The following ADGRL2 variants were observed in gnomAD, a reference collection of about 807,000 sequenced individuals.
The protein encoded by ADGRL2 is adhesion G protein-coupled receptor L2, also known as calcium-independent alpha-latrotoxin receptor 2.
Under a neutral mutation model 157.4 loss-of-function variants are expected in ADGRL2, and 44 were observed. The ratio of observed to expected loss-of-function variants is 0.28; its 90% CI spans 0.22 to 0.36. ADGRL2 has a LOEUF of 0.36. Ranked by LOEUF, ADGRL2 falls within the 10% of genes least tolerant of loss-of-function variation. ADGRL2 has a pLI of 1.00. For synonymous variants in ADGRL2, 585 were observed against 624.7 expected (o/e 0.94, Z 0.95); for missense variants, 1,510 against 1,768.9 (o/e 0.85, Z 2.63).
At chr1:81,533,198 G>A (rs936297235) in intron 2 of ADGRL2, among the ~76,000 whole-genome samples, 3 of 151,968 alleles carry the variant, frequency 2.0e-5, no homozygotes, top group African/African-American at 7.3e-5. Context: ...GGCCAATATG[G>A]TGAAGCCCCG....
chr1:81,653,899 G>T (rs896783348), intron 3 of ADGRL2, among the ~76,000 whole-genome samples: 6 of 152,064 alleles, frequency 3.9e-5, no homozygotes, highest in Non-Finnish European at 7.4e-5. Flanking sequence ...AATACAATCT[G>T]CAATTTTCCC....
chr1:81,535,741 A>G (rs893998586), intron 2 of ADGRL2, among the ~76,000 whole-genome samples: 1 of 152,244 alleles, frequency 6.6e-6, no homozygotes, highest in Admixed American at 6.5e-5. Flanking sequence ...ACTTTAAGAC[A>G]CTCAATGATG....
At chr1:81,639,069 ATTG>A (rs754621292) in intron 3 of ADGRL2, among the ~76,000 whole-genome samples, 5 of 152,062 alleles carry the variant, frequency 3.3e-5, no homozygotes, top group East Asian at 1.9e-4. Flanking sequence ...TACTTCTTTT[ATTG>A]TTGTTGTTGT....
chr1:81,335,874 G>A (rs546804643), intron 1 of ADGRL2, among the ~76,000 whole-genome samples: 2 of 151,358 alleles, frequency 1.3e-5, no homozygotes, highest in Non-Finnish European at 2.9e-5. Flanking sequence ...AAACAAAAAA[G>A]CACTATCTTT....
intron 2 of ADGRL2, among the ~76,000 whole-genome samples, chr1:81,458,729 T>A (rs994638322): frequency 7.2e-5 from 11 of 152,150 alleles, no homozygotes; most frequent in African/African-American, 2.7e-4. Context: ...AACTAGGAGA[T>A]GCCAGAAACC....
intron 2 of ADGRL2, chr1:81,503,328 T>C (rs1456182461): frequency 6.2e-6 from 10 of 1,614,012 alleles, no homozygotes; most frequent in Admixed American, 3.3e-5. Flanking sequence ...CCCAGAAGCC[T>C]GTGGTCCACC....
At chr1:81,582,378 C>T (rs1271103440) in intron 3 of ADGRL2, among the ~76,000 whole-genome samples, 2 of 151,986 alleles carry the variant, frequency 1.3e-5, no homozygotes, top group African/African-American at 4.8e-5. Context: ...TTTTGCATGG[C>T]TTCTGTGTAT....
At chr1:81,370,843 A>G (rs1439109697) in intron 1 of ADGRL2, among the ~76,000 whole-genome samples, 1 of 152,214 alleles carries the variant, frequency 6.6e-6, no homozygotes, top group Non-Finnish European at 1.5e-5. Context: ...TACAAAAAGA[A>G]TTAAGTTACA....
chr1:81,985,532 A>G (rs1235310588), intron 21 of ADGRL2, 177 bp downstream of exon 21: 4 of 395,076 alleles, frequency 1.0e-5, no homozygotes, highest in Non-Finnish European at 1.4e-5. Flanking sequence ...TAGGGAGTAC[A>G]GATTTATCCT....
chr1:81,783,505 T>G (rs1301062725), intron 2 of ADGRL2, among the ~76,000 whole-genome samples: 1 of 152,160 alleles, frequency 6.6e-6, no homozygotes, highest in Non-Finnish European at 1.5e-5. Context: ...TATCTCTTGT[T>G]GTTTGTAAAT....
At chr1:81,951,849 A>T in intron 8 of ADGRL2, 108 bp from the exon 9 acceptor site, 3 of 756,434 alleles carry the variant, frequency 4.0e-6, no homozygotes, top group Non-Finnish European at 4.1e-6. Flanking sequence ...TAGTTGGAGA[A>T]TTTAACATTC....
intron 1 of ADGRL2, among the ~76,000 whole-genome samples, chr1:81,730,773 A>G (rs928660874): frequency 6.6e-6 from 1 of 152,158 alleles, no homozygotes; most frequent in African/African-American, 2.4e-5. Flanking sequence ...GTAGAGAACC[A>G]CTGATCCAGA....
intron 2 of ADGRL2, chr1:81,514,525 T>G (rs1335669210): frequency 6.6e-6 from 1 of 152,190 alleles, no homozygotes; most frequent in Non-Finnish European, 1.5e-5. Context: ...TTTTTCAACT[T>G]TGGGGGTTTC....
At chr1:81,782,074 T>C (rs567540279) in intron 2 of ADGRL2, among the ~76,000 whole-genome samples, 1 of 152,304 alleles carries the variant, frequency 6.6e-6, no homozygotes, top group South Asian at 2.1e-4. Context: ...AGGGTAACAC[T>C]AAAATATTTA....
chr1:81,408,686 G>A (rs948375951), intron 1 of ADGRL2, among the ~76,000 whole-genome samples: 2 of 137,224 alleles, frequency 1.5e-5, no homozygotes, highest in African/African-American at 5.5e-5. Context: ...GTTTACAAAC[G>A]CAAATTAATC....
At chr1:81,942,289 A>ACCCTTTC (rs1648326102) in intron 5 of ADGRL2, among the ~76,000 whole-genome samples, 2 of 151,708 alleles carry the variant, frequency 1.3e-5, no homozygotes, top group African/African-American at 4.8e-5. Context: ...TTTACCCTTT[A>ACCCTTTC]TCTCTTTTTC....
At chr1:81,631,428 GC>G (rs1441483898) in intron 3 of ADGRL2, among the ~76,000 whole-genome samples, 9 of 152,066 alleles carry the variant, frequency 5.9e-5, no homozygotes, top group Non-Finnish European at 1.2e-4. Context: ...TGTTGGCCAG[GC>G]TGGTCTGGAA....
At position 81,531,773 on chromosome 1, in the gene ADGRL2, C is replaced by T. The variant is rs1333017582; in HGVS notation, c.-247-49103C>T. 3.3e-5 allele frequency among the ~76,000 whole-genome samples: 5 copies of T among 152,082 alleles called. 1 individual carries two copies. The highest frequency in any genetic ancestry group is 9.7e-5 in the African/African-American group (4 of 41,398). ...CTAGGATCGTGTCTAGAATGAAGGG[C>T]CTATATTAGTTATTGGCTGGATTCC... On this transcript the variant is annotated intron_variant, in intron 2 of 24. Coordinates refer to the ADGRL2 transcript ENST00000370721.
Position 81,369,220 on chromosome 1 carries a change from A to G in ADGRL2, c.-302+62711A>G, listed in dbSNP as rs372996006. Reference sequence around the variant, plus strand: ...AGAGATAGTGATACATAGAGAAGACAAGAGAAATGAGGACAGAAAGAGAAA... The same window carrying G: ...AGAGATAGTGATACATAGAGAAGACGAGAGAAATGAGGACAGAAAGAGAAA... On this transcript the variant is annotated intron_variant, in intron 1 of 24. Transcript: ENST00000370721. Among the ~76,000 whole-genome samples, 35 of 152,234 alleles carry G rather than the reference A, an allele frequency of 2.3e-4. No individual in the cohort carries two copies. In the East Asian group the frequency reaches 5.0e-3, roughly 22 times the overall value.
Sources: gnomAD v4.1 joint callset for allele counts (sites outside exome capture counted in the v4.1 genomes callset) on GRCh38, gnomAD v4.1.1 for gene constraint, MANE v1.5 for transcripts, NCBI Gene and HGNC (gene_info 2026-07-23, HGNC 2026-07-21) for gene names.